CNNM4: variants seen among roughly 807,000 people sequenced by gnomAD.
The protein encoded by CNNM4 is metal transporter CNNM4.
In CNNM4, 32 loss-of-function variants were observed where a neutral mutation model predicts 53.7. That is an observed-to-expected ratio of 0.60 (90% CI 0.45 to 0.80). The LOEUF (loss-of-function observed/expected upper bound fraction) is 0.80, where lower values mean the gene tolerates loss of function less well. Ranked by LOEUF, CNNM4 falls within the 30% of genes least tolerant of loss-of-function variation. The pLI is 0.00. For missense variants in CNNM4, 784 were observed against 1,022.0 expected, an observed-to-expected ratio of 0.77 and a Z score of 3.17; for synonymous variants, 410 against 440.0, an observed-to-expected ratio of 0.93 and a Z score of 0.85.
At chr2:96,787,085 T>C (rs1419427103) in intron 1 of CNNM4, among the ~76,000 whole-genome samples, 1 of 152,210 alleles carries the variant, frequency 6.6e-6, no homozygotes, top group African/African-American at 2.4e-5. Context: ...TTAAGAGCCC[T>C]GCAATATTGT....
intron 1 of CNNM4, among the ~76,000 whole-genome samples, chr2:96,778,571 A>C (rs2078946195): frequency 6.6e-6 from 1 of 151,714 alleles, no homozygotes; most frequent in South Asian, 2.1e-4. Flanking sequence ...AAAAAAAAAA[A>C]ATTATTTCTA....
chr2:96,765,353 C>T (rs1283754875), intron 1 of CNNM4, among the ~76,000 whole-genome samples: 2 of 151,580 alleles, frequency 1.3e-5, no homozygotes, highest in Admixed American at 6.6e-5. Context: ...CTTGAACTCC[C>T]GACCTCAGGT....
Position 96,808,392 on chromosome 2 carries a change from A to T in CNNM4, c.1949-169A>T, listed in dbSNP as rs766882369. 1.1e-4 allele frequency among the ~76,000 whole-genome samples: 16 copies of T among 152,236 alleles called. No homozygotes were observed. Among genetic ancestry groups the T allele is most frequent in the Non-Finnish European group, 1.9e-4 (13 of 68,036 alleles). On this transcript the variant is annotated intron_variant, in intron 5 of 6. Transcript: ENST00000377075. This position sits in a 1 kb window ranked among gnomAD's most constrained non-coding sequence, Gnocchi z 4.9. ...CAAACTAATTCATTTGCTTTAACGA[A>T]GTCAGACCTTATGCAGTCAGACCTT...
At position 96,797,304 on chromosome 2, in the gene CNNM4, G is replaced by A; in HGVS notation, c.1546+149G>A. Reference sequence around the variant, plus strand: ...GGGTGCCCTGCACTGGCCGGGGTGAGCAGGGAGCAGGTTGCTGAGAGCAGT... The same window carrying A: ...GGGTGCCCTGCACTGGCCGGGGTGAACAGGGAGCAGGTTGCTGAGAGCAGT... On this transcript the variant is annotated intron_variant, in intron 2 of 6. Transcript: ENST00000377075. The surrounding 1 kb of genome is among the most constrained non-coding windows in gnomAD (Gnocchi z 6.0). The A allele has an allele frequency of 7.4e-7, 1 of 1,352,558 alleles. No homozygotes were observed. The highest frequency in any genetic ancestry group is 1.0e-6 in the Non-Finnish European group (1 of 964,044). The allele number at this position is 1,352,558 out of a possible 1,614,324, so 83.8% of individuals were successfully genotyped here.
In CNNM4 at chr2:96,801,797, CAG is replaced by C. The variant is rs764621290; in HGVS notation, c.1948+2153_1948+2154del. Among the ~76,000 whole-genome samples the C allele has an allele frequency of 4.0e-5, 6 of 151,556 alleles. No homozygotes were observed. The highest frequency in any genetic ancestry group is 7.4e-5 in the Non-Finnish European group (5 of 67,890). On this transcript the variant is annotated intron_variant, in intron 5 of 6. Transcript: ENST00000377075. This position sits in a 1 kb window ranked among gnomAD's most constrained non-coding sequence, Gnocchi z 5.6. ...CAGAGATACTACAGACACCCATAGA[CAG>C]AGATATCACACACAGAAACACACAT...
Position 96,800,374 on chromosome 2 carries a change from T to G in CNNM4, c.1948+726T>G, listed in dbSNP as rs992069859. On this transcript the variant is annotated intron_variant, in intron 5 of 6. Transcript: ENST00000377075. The surrounding 1 kb of genome is among the most constrained non-coding windows in gnomAD (Gnocchi z 4.6). ...GTTGCTGCAGGGTAGAGAGAGAAAG[T>G]CCACTTTGGTGCTGGAGAACAGGCC... Among the ~76,000 whole-genome samples the G allele has an allele frequency of 6.6e-6, 1 of 152,160 alleles. No individual in the cohort carries two copies. Among genetic ancestry groups the G allele is most frequent in the South Asian group, 2.1e-4 (1 of 4,834 alleles).
In CNNM4 at chr2:96,808,620, C is replaced by A. The variant is rs558931421; in HGVS notation, c.2008C>A (p.Arg670Ser). The change falls in exon 6 of 7, where the codon CGC becomes AGC. Residue 670 changes from arginine (R) to serine (S), a missense_variant. Transcript: ENST00000377075. The surrounding 1 kb of genome is among the most constrained non-coding windows in gnomAD (Gnocchi z 4.9). ...SRSASLSYPD[R>S]TDVSTAATLA... The stretch of plus-strand genomic sequence containing the variant: ...CTCAGCCTCCCTCAGTTACCCAGAC[C>A]GCACAGACGTCTCAACTGCAGCAAC... The A allele has an allele frequency of 6.2e-7, 1 of 1,614,150 alleles. No homozygotes were observed. Among genetic ancestry groups the A allele is most frequent in the Non-Finnish European group, 8.5e-7 (1 of 1,180,028 alleles).
intron 1 of CNNM4, among the ~76,000 whole-genome samples, chr2:96,767,350 G>A (rs1441266484): frequency 2.0e-5 from 3 of 152,132 alleles, no homozygotes; most frequent in South Asian, 4.1e-4. Flanking sequence ...TGGCCCTTCC[G>A]CTTAAACCTC....
At chr2:96,796,718 G>A (rs2079107697) in intron 1 of CNNM4, among the ~76,000 whole-genome samples, 1 of 152,116 alleles carries the variant, frequency 6.6e-6, no homozygotes. Context: ...CTATGATTGC[G>A]CCACTGCACT....
At chr2:96,807,992 G>A (rs1406356877) in intron 5 of CNNM4, among the ~76,000 whole-genome samples, 1 of 151,946 alleles carries the variant, frequency 6.6e-6, no homozygotes, top group Non-Finnish European at 1.5e-5. Context: ...AGGTTCAAGC[G>A]ATTCTCCTGC....
Position 96,799,604 on chromosome 2 carries a change from C to T in CNNM4, c.1904C>T (p.Ala635Val). Residue 635 changes from alanine to valine, a missense_variant, in exon 5 of 7, where the codon GCC (alanine) becomes GTC (valine). Coordinates refer to ENST00000377075, the MANE Select transcript of CNNM4 (RefSeq NM_020184.4). The part of the protein sequence containing the change: ...GKENMKFETG[A>V]FSYYGTMALT... ...GAGAACATGAAGTTTGAGACGGGCG[C>T]CTTCTCCTACTATGGGACTATGGCC... 1 of 1,554,286 alleles carries T rather than the reference C, an allele frequency of 6.4e-7. No individual in the cohort carries two copies. Among genetic ancestry groups the T allele is most frequent in the Non-Finnish European group, 8.7e-7 (1 of 1,148,328 alleles).
At position 96,800,907 on chromosome 2, in the gene CNNM4, G is replaced by A. The variant is rs1214712281; in HGVS notation, c.1948+1259G>A. Among the ~76,000 whole-genome samples the A allele has an allele frequency of 6.6e-6, 1 of 152,178 alleles. No homozygotes were observed. Among genetic ancestry groups the A allele is most frequent in the Non-Finnish European group, 1.5e-5 (1 of 68,024 alleles). Reference sequence around the variant, plus strand: ...TGCCTGTCTCCGCACAGGGCTCACCGCTGTGCCCTGAGCACCCTTCCCAGC... The same window carrying A: ...TGCCTGTCTCCGCACAGGGCTCACCACTGTGCCCTGAGCACCCTTCCCAGC... On this transcript the variant is annotated intron_variant, in intron 5 of 6. Coordinates refer to ENST00000377075, the MANE Select transcript of CNNM4 (RefSeq NM_020184.4). The surrounding 1 kb of genome is among the most constrained non-coding windows in gnomAD (Gnocchi z 4.6).
At chr2:96,803,608 C>T (rs564350145) in intron 5 of CNNM4, among the ~76,000 whole-genome samples, 1 of 152,068 alleles carries the variant, frequency 6.6e-6, no homozygotes, top group South Asian at 2.1e-4. Context: ...TGCCTGTAAT[C>T]CCAGCTACTT....
intron 1 of CNNM4, among the ~76,000 whole-genome samples, chr2:96,764,483 C>T (rs1372737889): frequency 3.9e-5 from 6 of 152,128 alleles, no homozygotes; most frequent in Admixed American, 3.3e-4. Context: ...ATAGTCCCCC[C>T]TCTCTACCCA....
chr2:96,795,717 G>A (rs1016021740), intron 1 of CNNM4, among the ~76,000 whole-genome samples: 1 of 152,160 alleles, frequency 6.6e-6, no homozygotes, highest in Non-Finnish European at 1.5e-5. Flanking sequence ...GGGAAGCCAT[G>A]CAGAAGACCC....
chr2:96,804,800 T>G (rs914951560), intron 5 of CNNM4, among the ~76,000 whole-genome samples: 1 of 151,902 alleles, frequency 6.6e-6, no homozygotes, highest in African/African-American at 2.4e-5. Flanking sequence ...CCTCCCAAAG[T>G]GCTGGGATTA....
chr2:96,792,523 C>G (rs2079070865), intron 1 of CNNM4, among the ~76,000 whole-genome samples: 1 of 152,084 alleles, frequency 6.6e-6, no homozygotes, highest in Admixed American at 6.6e-5. Flanking sequence ...ACAGGAGGGA[C>G]TGGTCACGGT....
intron 1 of CNNM4, among the ~76,000 whole-genome samples, chr2:96,790,700 C>T (rs1265693233): frequency 2.0e-5 from 3 of 149,490 alleles, no homozygotes; most frequent in African/African-American, 7.4e-5. Context: ...ATACTATTGG[C>T]TGGGCATGGT....
chr2:96,809,079 C>T (rs905140812), intron 6 of CNNM4, among the ~76,000 whole-genome samples: 3 of 151,284 alleles, frequency 2.0e-5, no homozygotes, highest in East Asian at 1.9e-4. Context: ...TGGGCTCAAG[C>T]GATTTGCCCG....
Sources: allele counts gnomAD v4.1 joint callset (sites outside exome capture counted in the v4.1 genomes callset), GRCh38; gene constraint gnomAD v4.1.1; non-coding constraint Gnocchi (gnomAD v3.1); transcripts MANE v1.5; gene names NCBI Gene and HGNC (gene_info 2026-07-23, HGNC 2026-07-21).